Variants in NUP214 observed in about 807,000 individuals in gnomAD.
The protein encoded by NUP214 is nucleoporin 214.
In NUP214, 79 loss-of-function variants were observed where a neutral mutation model predicts 196.2. The ratio of observed to expected loss-of-function variants is 0.40; its 90% CI spans 0.34 to 0.49. NUP214 has a LOEUF of 0.49. NUP214 is among the 20% of genes least tolerant of loss of function. The pLI, the probability that NUP214 is intolerant of heterozygous loss-of-function variation, is 0.58. For missense variants in NUP214, 2,468 were observed against 2,539.0 expected (o/e 0.97, Z 0.60); for synonymous variants, 1,020 against 990.5 (o/e 1.03, Z -0.56).
In NUP214 at chr9:131,146,414, C is replaced by T. The variant is rs1832088328; in HGVS notation, c.1945+110C>T. The T allele has an allele frequency of 9.3e-7, 1 of 1,071,136 alleles. No individual in the cohort carries two copies. Among genetic ancestry groups the T allele is most frequent in the Non-Finnish European group, 1.4e-6 (1 of 724,024 alleles). The allele number at this position is 1,071,136 out of a possible 1,614,324, so 66.4% of individuals were successfully genotyped here. Reference sequence around the variant, plus strand: ...AGTTGGACAAGGTTATTTTTTCTTGCTTCCTGTATCATACATTAATGATTA... The same window carrying T: ...AGTTGGACAAGGTTATTTTTTCTTGTTTCCTGTATCATACATTAATGATTA... On this transcript the variant is annotated intron_variant, in intron 13 of 35. Coordinates refer to ENST00000359428, the MANE Select transcript of NUP214 (RefSeq NM_005085.4). The surrounding 1 kb of genome is among the most constrained non-coding windows in gnomAD (Gnocchi z 4.6).
At chr9:131,233,097 G>C (rs1834921659) in intron 35 of NUP214, 1 of 152,554 alleles carries the variant, frequency 6.6e-6, no homozygotes. Context: ...AGATATTTGA[G>C]GTCAGGAGTT....
In NUP214 at chr9:131,228,294, G is replaced by A; in HGVS notation, c.6037G>A (p.Gly2013Arg). 5 of 1,603,130 alleles carry A rather than the reference G, an allele frequency of 3.1e-6. No individual in the cohort carries two copies. Among genetic ancestry groups the A allele is most frequent in the Non-Finnish European group, 4.3e-6 (5 of 1,176,200 alleles). Residue 2013 changes from glycine to arginine, a missense_variant, in exon 33 of 36, where the codon GGA becomes AGA. By Grantham distance (125) the Gly-to-Arg change is moderately radical (BLOSUM62 -2). Coordinates refer to ENST00000359428, the MANE Select transcript of NUP214 (RefSeq NM_005085.4). ...GGGCTCGACGGGAGGCAAAGTGTTC[G>A]GAGAGGGCACTGCAGCTGCCAGCGC... ...PLGSTGGKVF[G>R]EGTAAASAGG...
intron 27 of NUP214, chr9:131,194,226 T>A (rs1455608624): frequency 4.8e-5 from 7 of 145,868 alleles, no homozygotes; most frequent in African/African-American, 1.8e-4. Flanking sequence ...AAAGGTGCAG[T>A]GGTACAGTCA....
chr9:131,132,950 T>C, intron 6 of NUP214, 156 bp from the exon 7 acceptor site: 1 of 658,792 alleles, frequency 1.5e-6, no homozygotes, highest in Non-Finnish European at 2.6e-6. Context: ...AGTTTGGGCT[T>C]CTTGGGTCAT....
chr9:131,222,881 A>T lies in NUP214; in HGVS notation c.5853A>T (p.Gly1951=), dbSNP rs191392300. The T allele has an allele frequency of 6.2e-7, 1 of 1,614,214 alleles. No homozygotes were observed. The highest frequency in any genetic ancestry group is 2.2e-5 in the East Asian group (1 of 44,884). Residue 1951 remains glycine, a synonymous_variant, in exon 32 of 36, where the codon GGA becomes GGT. Coordinates refer to ENST00000359428, the MANE Select transcript of NUP214 (RefSeq NM_005085.4). The part of the protein sequence containing the change: ...QKPTGTFSSG[G]GSVASQGFGF... ...CCACTGGCACTTTCAGCTCTGGAGGAGGAAGTGTGGCATCCCAAGGCTTTG... is the reference window on the plus strand; with the variant it reads ...CCACTGGCACTTTCAGCTCTGGAGGTGGAAGTGTGGCATCCCAAGGCTTTG...
chr9:131,132,569 T>C (rs768381107), intron 5 of NUP214, 27 bp from the exon 6 acceptor site: 68 of 1,602,098 alleles, frequency 4.2e-5, no homozygotes, highest in Middle Eastern at 1.7e-4. Flanking sequence ...ATTTGATACT[T>C]TATTTTCCCC....
intron 18 of NUP214, among the ~76,000 whole-genome samples, chr9:131,160,755 A>G (rs1832607062): frequency 6.6e-6 from 1 of 152,236 alleles, no homozygotes; most frequent in African/African-American, 2.4e-5. Context: ...TGTTATGTGG[A>G]GAAAGGCTAA....
intron 24 of NUP214, among the ~76,000 whole-genome samples, chr9:131,179,061 A>G (rs986123611): frequency 6.6e-6 from 1 of 152,036 alleles, no homozygotes; most frequent in Non-Finnish European, 1.5e-5. Context: ...GTGCAGTACG[A>G]TCATGGCACA....
chr9:131,135,213 CCAGATGGGACTACAAG>C, intron 8 of NUP214: 1 of 498,860 alleles, frequency 2.0e-6, no homozygotes, highest in Non-Finnish European at 3.5e-6. Context: ...CCTCAGCCTC[CCAGATGGGACTACAAG>C]CACATGCCAC....
At chr9:131,171,309 A>C (rs996125134) in intron 21 of NUP214, among the ~76,000 whole-genome samples, 3 of 152,198 alleles carry the variant, frequency 2.0e-5, no homozygotes, top group Admixed American at 2.0e-4. Context: ...AGGACCTTGG[A>C]GGTTACATAG....
In NUP214 at chr9:131,195,216, C is replaced by T; in HGVS notation, c.3660-17C>T. On this transcript the variant is annotated splice_polypyrimidine_tract_variant and intron_variant, in intron 27 of 35. Coordinates refer to ENST00000359428, the MANE Select transcript of NUP214 (RefSeq NM_005085.4). ...CTTGGTTTGTTCCTTTTTAATTTCT[C>T]TTTTTCCACTTGTTAGGACTGGCTT... 6.3e-7 allele frequency: 1 copy of T among 1,593,184 alleles called. No homozygotes were observed. Among genetic ancestry groups the T allele is most frequent in the Non-Finnish European group, 8.6e-7 (1 of 1,166,078 alleles).
intron 27 of NUP214, among the ~76,000 whole-genome samples, chr9:131,192,941 CAAAAAAAAAAAAAAAA>C (rs34653431): frequency 3.2e-5 from 1 of 31,036 alleles, no homozygotes. Flanking sequence ...ACCCCGTCTC[CAAAAAAAAAAAAAAAA>C]AAAAAAAAAA....
intron 24 of NUP214, among the ~76,000 whole-genome samples, chr9:131,181,594 A>T (rs1174001373): frequency 6.6e-6 from 1 of 152,166 alleles, no homozygotes; most frequent in Admixed American, 6.5e-5. Flanking sequence ...GGTGATATTG[A>T]GCATCTTTTC....
At position 131,128,299 on chromosome 9, in the gene NUP214, C is replaced by T. The variant is rs12337410; in HGVS notation, c.242-33C>T. ...TTGTGGCTTTATGCTTAGAACATAC[C>T]GTTTTCTGCTTTGTATTTTTTTGTT... On this transcript the variant is annotated intron_variant, in intron 2 of 35. Transcript: ENST00000359428. The T allele has an allele frequency of 7.3e-5, 116 of 1,592,506 alleles. 1 individual carries two copies. In the African/African-American group the frequency reaches 9.6e-4, roughly 13 times the overall value.
chr9:131,166,341 TTAGA>T (rs1350106516), intron 21 of NUP214, among the ~76,000 whole-genome samples: 2 of 152,200 alleles, frequency 1.3e-5, no homozygotes, highest in Non-Finnish European at 1.5e-5. Context: ...GATTATATAT[TTAGA>T]TAGAGTCCTT....
At chr9:131,194,632 A>G (rs572470246) in intron 27 of NUP214, among the ~76,000 whole-genome samples, 1 of 152,332 alleles carries the variant, frequency 6.6e-6, no homozygotes, top group South Asian at 2.1e-4. Flanking sequence ...AAAACGTACA[A>G]AAGGAGAGAG....
intron 21 of NUP214, chr9:131,167,229 G>A (rs538999056): frequency 6.6e-6 from 1 of 152,198 alleles, no homozygotes; most frequent in Admixed American, 6.5e-5. Context: ...GCCTGTTTTT[G>A]CATACCACAT....
chr9:131,156,571 G>A (rs201231967), intron 17 of NUP214, among the ~76,000 whole-genome samples: 3 of 133,504 alleles, frequency 2.2e-5, no homozygotes, highest in Non-Finnish European at 4.9e-5. Flanking sequence ...TTTTTTTTTT[G>A]TTCTTTTTTT....
chr9:131,146,152 C>T lies in NUP214; in HGVS notation c.1793C>T (p.Thr598Ile). ...AGGTTTACTGCTGCAGCTACCTCTA[C>T]TCCTGTTAGTAGCTCCCAGAGCGCA... ...SEKFTAAATSTPVSSSQSAPP... is the reference protein window; with the variant it reads ...SEKFTAAATSIPVSSSQSAPP... Residue 598 changes from threonine to isoleucine, a missense_variant, in exon 13 of 36, where the codon ACT (threonine) becomes ATT (isoleucine). Thr to Ile is a moderately conservative substitution (Grantham distance 89, BLOSUM62 -1). Around this residue, in one of 5 missense-constraint regions of NUP214, gnomAD observed 1,801 missense variants for 1,779.4 expected, o/e 1.01. Transcript: ENST00000359428. The surrounding 1 kb of genome is among the most constrained non-coding windows in gnomAD (Gnocchi z 4.6). 1.9e-6 allele frequency: 3 copies of T among 1,614,186 alleles called. No individual in the cohort carries two copies. The highest frequency in any genetic ancestry group is 2.5e-6 in the Non-Finnish European group (3 of 1,180,022).
Sources: gnomAD v4.1 joint callset for allele counts (sites outside exome capture counted in the v4.1 genomes callset) on GRCh38, gnomAD v4.1.1 for gene constraint, gnomAD v4.1.1 regional missense constraint, Gnocchi (gnomAD v3.1) non-coding constraint, MANE v1.5 for transcripts, NCBI Gene and HGNC (gene_info 2026-07-23, HGNC 2026-07-21) for gene names.